The following RGL2 variants were observed in gnomAD, a reference collection of about 807,000 sequenced individuals.
RGL2 encodes the protein ral guanine nucleotide dissociation stimulator like 2.
In RGL2, 40 loss-of-function variants were observed where a neutral mutation model predicts 84.6. The ratio of observed to expected loss-of-function variants is 0.47; its 90% confidence interval spans 0.37 to 0.62. The LOEUF (loss-of-function observed/expected upper bound fraction) is 0.62. Among genes scored for constraint, RGL2 ranks in the 20% least tolerant of loss-of-function variants. The pLI is 0.00. For missense variants in RGL2, 865 were observed against 1,019.7 expected, an observed-to-expected ratio of 0.85 and a Z score of 2.07; for synonymous variants, 369 against 417.3, an observed-to-expected ratio of 0.88 and a Z score of 1.41.
In RGL2 at chr6:33,291,906, C is replaced by G. The variant is rs1412137466; in HGVS notation, c.*196G>C. 3.2e-6 allele frequency: 2 copies of G among 625,708 alleles called. No homozygotes were observed. The highest frequency in any genetic ancestry group is 3.7e-5 in the African/African-American group (2 of 54,416). The allele number at this position is 625,708 out of a possible 1,614,324, so 38.8% of individuals were successfully genotyped here. Reference sequence around the variant, plus strand: ...TGGGAAGCTATACACAGGTATCCAACTTGGTTATAAGACACCAGTTCCCAC... The same window carrying G: ...TGGGAAGCTATACACAGGTATCCAAGTTGGTTATAAGACACCAGTTCCCAC... On this transcript the variant is annotated 3_prime_UTR_variant, in exon 18 of 18. Transcript: ENST00000497454.
upstream of RGL2, chr6:33,299,019 C>G (rs1019777039): frequency 8.8e-5 from 14 of 158,928 alleles, no homozygotes; most frequent in Non-Finnish European, 1.4e-4. This position sits in a 1 kb window ranked among gnomAD's most constrained non-coding sequence, Gnocchi z 5.0. Flanking sequence ...CGCTCCCCCC[C>G]GCGTCCGCCC....
rs1338622906 is a variant in RGL2, at chr6:33,294,963, C to A, written c.1278+14G>T. The stretch of plus-strand genomic sequence containing the variant: ...ATCACCACCCCCACGCCCACCACCC[C>A]GCTAGTCACTCACCCCACCCCGGGA... On this transcript the variant is annotated intron_variant, in intron 10 of 17. Transcript: ENST00000497454. The surrounding 1 kb of genome is among the most constrained non-coding windows in gnomAD (Gnocchi z 5.0). The A allele has an allele frequency of 6.4e-7, 1 of 1,565,728 alleles. No homozygotes were observed.
In RGL2 at chr6:33,297,356, C is replaced by T. The variant is rs375680717; in HGVS notation, c.157-241G>A. The T allele has an allele frequency of 8.3e-6, 4 of 479,416 alleles. No individual in the cohort carries two copies. Among genetic ancestry groups the T allele is most frequent in the South Asian group, 4.3e-5 (1 of 23,004 alleles). 29.7% of individuals were successfully genotyped at this position (479,416 alleles called of 1,614,324 possible). A position where few individuals can be genotyped will look rare whatever the true frequency, so the allele number is the denominator to read the frequency against. ...GGAGTCGAAGGGGCTGCAGTGGAGG[C>T]GTGGATGGAGTACAGGAATTCTGAT... On this transcript the variant is annotated intron_variant, in intron 2 of 17. Coordinates refer to ENST00000497454, the MANE Select transcript of RGL2 (RefSeq NM_004761.5). The surrounding 1 kb of genome is among the most constrained non-coding windows in gnomAD (Gnocchi z 4.0).
Position 33,298,808 on chromosome 6 carries a change from G to A in RGL2, c.-42+62C>T. On this transcript the variant is annotated intron_variant, in intron 1 of 17. Transcript: ENST00000497454. The surrounding 1 kb of genome is among the most constrained non-coding windows in gnomAD (Gnocchi z 4.8). ...AGAAGGGTGGAATAGGGGGGCCCTT[G>A]GTGCTGTTGGGGAAGGAGGAGGTCA... is the stretch of plus-strand genomic sequence containing the variant. The A allele has an allele frequency of 2.2e-6, 1 of 464,060 alleles. No homozygotes were observed. The highest frequency in any genetic ancestry group is 2.0e-5 in the African/African-American group (1 of 48,834). The allele number at this position is 464,060 out of a possible 1,614,324, so 28.7% of individuals were successfully genotyped here. A position where few individuals can be genotyped will look rare whatever the true frequency, so the allele number is the denominator to read the frequency against.
At chr6:33,292,362 C>CA (rs781425768) in intron 17 of RGL2, 49 bp from the exon 18 acceptor site, 9 of 1,609,324 alleles carry the variant, frequency 5.6e-6, no homozygotes, top group Non-Finnish European at 7.7e-6. Flanking sequence ...TTGTTCCCCC[C>CA]ACAGCCGCCC....
At position 33,293,394 on chromosome 6, in the gene RGL2, A is replaced by G; in HGVS notation, c.1716+19T>C. ...GAGTGAGGGTCAGCGTCAAGGTCAG[A>G]GTCAGGAGCAGAGCTCACCTGGGCC... On this transcript the variant is annotated intron_variant, in intron 15 of 17. Coordinates refer to ENST00000497454, the MANE Select transcript of RGL2 (RefSeq NM_004761.5). This position sits in a 1 kb window ranked among gnomAD's most constrained non-coding sequence, Gnocchi z 7.0. 6.2e-7 allele frequency: 1 copy of G among 1,607,232 alleles called. No individual in the cohort carries two copies.
upstream of RGL2, among the ~76,000 whole-genome samples, chr6:33,299,510 G>A (rs1402210396): frequency 6.6e-6 from 1 of 152,088 alleles, no homozygotes; most frequent in African/African-American, 2.4e-5. This position sits in a 1 kb window ranked among gnomAD's most constrained non-coding sequence, Gnocchi z 5.0. Flanking sequence ...CGAGATCCCC[G>A]TCGGCTCGGT....
chr6:33,292,938 C>T, intron 16 of RGL2, 78 bp downstream of exon 16: 1 of 1,549,378 alleles, frequency 6.5e-7, no homozygotes, highest in Non-Finnish European at 8.8e-7. Context: ...TTCCATTTGG[C>T]TGCCCAAACC....
chr6:33,298,936 C>A lies in RGL2; in HGVS notation c.-108G>T. The A allele has an allele frequency of 7.7e-6, 2 of 258,438 alleles. No individual in the cohort carries two copies. The highest frequency in any genetic ancestry group is 7.3e-6 in the Non-Finnish European group (1 of 136,352). 16.0% of individuals were successfully genotyped at this position (258,438 alleles called of 1,614,324 possible). A position where few individuals can be genotyped will look rare whatever the true frequency, so the allele number is the denominator to read the frequency against. On this transcript the variant is annotated 5_prime_UTR_variant, in exon 1 of 18. Coordinates refer to ENST00000497454, the MANE Select transcript of RGL2 (RefSeq NM_004761.5). The surrounding 1 kb of genome is among the most constrained non-coding windows in gnomAD (Gnocchi z 4.8). ...GTTGCCGTCGGTCTCCGGCCCCGGA[C>A]CGAGTCCCCTCCCCGGCTTTTCCGT... is the stretch of plus-strand genomic sequence containing the variant.
Position 33,298,546 on chromosome 6 carries a change from C to A in RGL2, c.65G>T (p.Ser22Ile). Residue 22 changes from serine to isoleucine, a missense_variant, in exon 2 of 18, where the codon AGC (serine) becomes ATC (isoleucine). Ser to Ile is a moderately radical substitution (Grantham distance 142). This residue lies in a region of RGL2 where 10 missense variants were observed against 30.5 expected (regional missense o/e 0.33). Coordinates refer to ENST00000497454, the MANE Select transcript of RGL2 (RefSeq NM_004761.5). The surrounding 1 kb of genome is among the most constrained non-coding windows in gnomAD (Gnocchi z 4.8). ...TSPPGGVVLS[S>I]FRSRDPEEGG... Reference sequence around the variant, plus strand: ...CTCTTCGGGGTCCCGGCTTCGGAAGCTGCTCAGTACGACTCCCCCGGGGGG... The same window carrying A: ...CTCTTCGGGGTCCCGGCTTCGGAAGATGCTCAGTACGACTCCCCCGGGGGG... 1 of 1,496,334 alleles carries A rather than the reference C, an allele frequency of 6.7e-7. No homozygotes were observed. The highest frequency in any genetic ancestry group is 8.9e-7 in the Non-Finnish European group (1 of 1,124,196). The allele number at this position is 1,496,334 out of a possible 1,614,324, so 92.7% of individuals were successfully genotyped here.
In RGL2 at chr6:33,292,209, C is replaced by T. The variant is rs770506486; in HGVS notation, c.2227G>A (p.Val743Ile). The T allele has an allele frequency of 6.2e-6, 10 of 1,614,076 alleles. No homozygotes were observed. The highest frequency in any genetic ancestry group is 1.6e-4 in the Middle Eastern group (1 of 6,084). ...CCTGAGGCAGACGGGCCACTGGTGA[C>T]GCCAGGTGTAGCAGTAGAGGACCTT... is the stretch of plus-strand genomic sequence containing the variant. The part of the protein sequence containing the change: ...RRRSSTATPG[V>I]TSGPSASGTP... Residue 743 changes from valine (V) to isoleucine (I), a missense_variant, in exon 18 of 18, where the codon GTC becomes ATC. Physicochemically the swap from Val to Ile is conservative, Grantham distance 29. Coordinates refer to ENST00000497454, the MANE Select transcript of RGL2 (RefSeq NM_004761.5).
Position 33,295,777 on chromosome 6 carries a change from G to GC in RGL2, c.769-19_769-18insG. 6.2e-7 allele frequency: 1 copy of GC among 1,608,954 alleles called. No homozygotes were observed. ...AAAAGTTCCTGCAGGGTAGAGGTCA[G>GC]AGGTTAAAGTTCATAGTCAAGTGAG... On this transcript the variant is annotated intron_variant, in intron 6 of 17. Coordinates refer to ENST00000497454, the MANE Select transcript of RGL2 (RefSeq NM_004761.5). This position sits in a 1 kb window ranked among gnomAD's most constrained non-coding sequence, Gnocchi z 7.2.
Position 33,296,198 on chromosome 6 carries a change from C to A in RGL2, c.598G>T (p.Val200Phe). The A allele has an allele frequency of 6.2e-7, 1 of 1,613,966 alleles. No homozygotes were observed. The highest frequency in any genetic ancestry group is 8.5e-7 in the Non-Finnish European group (1 of 1,179,902). The stretch of plus-strand genomic sequence containing the variant: ...ATGAGGTCAGCGCTGCCCCCCCCAA[C>A]ACCCTTCCCTGCTGCATACCCTGTC... ...LQTGYAAGKG[V>F]GGGSADLIRN... Residue 200 changes from valine (V) to phenylalanine (F), a missense_variant, in exon 6 of 18, where the codon GTT (valine) becomes TTT (phenylalanine). Val to Phe is a conservative substitution (Grantham distance 50). Around this residue, in one of 5 missense-constraint regions of RGL2, gnomAD observed 455 missense variants for 507.8 expected, o/e 0.90. Transcript: ENST00000497454. The surrounding 1 kb of genome is among the most constrained non-coding windows in gnomAD (Gnocchi z 5.0).
upstream of RGL2, chr6:33,299,849 TA>T (rs1363560199): frequency 6.6e-6 from 1 of 152,306 alleles, no homozygotes; most frequent in Non-Finnish European, 1.5e-5. The surrounding 1 kb of genome is among the most constrained non-coding windows in gnomAD (Gnocchi z 5.0). Context: ...CAGTGGGCCT[TA>T]GGTCCCTATG....
rs1768098921 is a variant in RGL2, at chr6:33,297,510, C to T, written c.157-395G>A. On this transcript the variant is annotated intron_variant, in intron 2 of 17. Coordinates refer to ENST00000497454, the MANE Select transcript of RGL2 (RefSeq NM_004761.5). The surrounding 1 kb of genome is among the most constrained non-coding windows in gnomAD (Gnocchi z 4.0). ...GGCAGCGACTAGGGGTAGCTGAAACCTCAGTCCAGGCACTGCCGCATGCCC... is the reference window on the plus strand; with the variant it reads ...GGCAGCGACTAGGGGTAGCTGAAACTTCAGTCCAGGCACTGCCGCATGCCC... 1 of 216,050 alleles carries T rather than the reference C, an allele frequency of 4.6e-6. No homozygotes were observed. Among genetic ancestry groups the T allele is most frequent in the Admixed American group, 5.2e-5 (1 of 19,270 alleles). The allele number at this position is 216,050 out of a possible 1,614,324, so 13.4% of individuals were successfully genotyped here. A position where few individuals can be genotyped will look rare whatever the true frequency, so the allele number is the denominator to read the frequency against.
In RGL2 at chr6:33,296,831, T is replaced by C; in HGVS notation, c.241-55A>G. ...CCTTTCTCCCACTCTGCACCTAGAT[T>C]TCTGAGGACAATCCCAGACCCAGGA... On this transcript the variant is annotated intron_variant, in intron 3 of 17. Coordinates refer to ENST00000497454, the MANE Select transcript of RGL2 (RefSeq NM_004761.5). This position sits in a 1 kb window ranked among gnomAD's most constrained non-coding sequence, Gnocchi z 5.0. The C allele has an allele frequency of 6.2e-7, 1 of 1,606,992 alleles. No homozygotes were observed. The highest frequency in any genetic ancestry group is 1.3e-5 in the African/African-American group (1 of 74,832).
At position 33,291,938 on chromosome 6, in the gene RGL2, G is replaced by T; in HGVS notation, c.*164C>A. The stretch of plus-strand genomic sequence containing the variant: ...ATAAGACACCAGTTCCCACAGGGCT[G>T]GATTTCTCAGCTGTCTGGTAAACCA... On this transcript the variant is annotated 3_prime_UTR_variant, in exon 18 of 18. Coordinates refer to ENST00000497454, the MANE Select transcript of RGL2 (RefSeq NM_004761.5). 1.4e-6 allele frequency: 1 copy of T among 720,040 alleles called. No homozygotes were observed. The allele number at this position is 720,040 out of a possible 1,614,324, so 44.6% of individuals were successfully genotyped here.
In RGL2 at chr6:33,295,573, T is replaced by C. The variant is rs775392093; in HGVS notation, c.955A>G (p.Thr319Ala). 4.3e-6 allele frequency: 7 copies of C among 1,613,920 alleles called. No individual in the cohort carries two copies. The East Asian group carries it at 1.3e-4, about 31-fold the overall frequency. ...TGTGGGGGACGGAGTGGCCGTATGG[T>C]CACCTCCCCAGGTCCCTCTCCAGTG... ...TSTGEGPGEVTIRPLRPPQRA... is the reference protein window; with the variant it reads ...TSTGEGPGEVAIRPLRPPQRA... Residue 319 changes from threonine (T) to alanine (A), a missense_variant, in exon 7 of 18, where the codon ACC becomes GCC. Transcript: ENST00000497454. The surrounding 1 kb of genome is among the most constrained non-coding windows in gnomAD (Gnocchi z 7.2).
At position 33,296,494 on chromosome 6, in the gene RGL2, A is replaced by C. The variant is rs201474425; in HGVS notation, c.420-30T>G. The C allele has an allele frequency of 2.5e-6, 4 of 1,591,068 alleles. No individual in the cohort carries two copies. Among genetic ancestry groups the C allele is most frequent in the Non-Finnish European group, 2.6e-6 (3 of 1,169,620 alleles). On this transcript the variant is annotated intron_variant, in intron 4 of 17. Transcript: ENST00000497454. This position sits in a 1 kb window ranked among gnomAD's most constrained non-coding sequence, Gnocchi z 5.0. ...GGGGGAGAAGAGGATCTATCTGTCC[A>C]TTTTTCCCAAACCCTCAGTGGCTTT...
Sources: gnomAD v4.1 joint callset for allele counts (sites outside exome capture counted in the v4.1 genomes callset) on GRCh38, gnomAD v4.1.1 for gene constraint, gnomAD v4.1.1 regional missense constraint, Gnocchi (gnomAD v3.1) non-coding constraint, MANE v1.5 for transcripts, NCBI Gene and HGNC (gene_info 2026-07-23, HGNC 2026-07-21) for gene names.